The following EPB41L4A variants were observed in gnomAD, a reference collection of about 807,000 sequenced individuals.
EPB41L4A encodes erythrocyte membrane protein band 4.1 like 4A.
Under a neutral mutation model 108.6 loss-of-function variants are expected in EPB41L4A, and 100 were observed. The ratio of observed to expected loss-of-function variants is 0.92; its 90% confidence interval spans 0.78 to 1.09. The LOEUF (loss-of-function observed/expected upper bound fraction) is 1.09, where lower values mean the gene tolerates loss of function less well. EPB41L4A is among the 50% of genes least tolerant of loss of function. EPB41L4A has a pLI of 0.00. For synonymous variants in EPB41L4A, 319 were observed against 289.0 expected, an observed-to-expected ratio of 1.10 and a Z score of -1.05; for missense variants, 1,030 against 842.7, an observed-to-expected ratio of 1.22 and a Z score of -2.75.
Position 112,392,391 on chromosome 5 carries a change from A to C in EPB41L4A, c.99+26550T>G, listed in dbSNP as rs570902581. Among the ~76,000 whole-genome samples, 1,110 of 146,218 alleles carry C rather than the reference A, an allele frequency of 7.6e-3. 20 individuals are homozygous for C. Among genetic ancestry groups the C allele is most frequent in the African/African-American group, 0.026 (1,036 of 39,226 alleles). On this transcript the variant is annotated intron_variant, in intron 1 of 22. Transcript: ENST00000261486. ...AGGGATGGAGGAAGATCTACCAAGC[A>C]AATGGAAAGCAAAAAAAAAAAAAAA...
intron 1 of EPB41L4A, among the ~76,000 whole-genome samples, chr5:112,377,239 T>C (rs1459185787): frequency 1.4e-5 from 2 of 147,474 alleles, no homozygotes; most frequent in South Asian, 2.2e-4. Context: ...AAAGACAATA[T>C]GTGGAATCTT....
intron 1 of EPB41L4A, among the ~76,000 whole-genome samples, chr5:112,348,660 T>C (rs1757842004): frequency 6.6e-6 from 1 of 152,136 alleles, no homozygotes; most frequent in South Asian, 2.1e-4. Context: ...ACTAATGAAG[T>C]ATTCAGGTGT....
chr5:112,231,387 GT>G (rs944988071), intron 12 of EPB41L4A, among the ~76,000 whole-genome samples: 1 of 152,142 alleles, frequency 6.6e-6, no homozygotes, highest in Non-Finnish European at 1.5e-5. Context: ...GAATATAAAA[GT>G]TTTTTTCTTT....
chr5:112,303,713 A>T (rs1012618089), intron 2 of EPB41L4A, among the ~76,000 whole-genome samples: 4 of 152,210 alleles, frequency 2.6e-5, no homozygotes, highest in African/African-American at 9.6e-5. Flanking sequence ...GCAACTGGCA[A>T]GGCAGGGCCA....
intron 12 of EPB41L4A, among the ~76,000 whole-genome samples, chr5:112,231,551 C>T (rs991622112): frequency 2.7e-5 from 4 of 150,468 alleles, no homozygotes; most frequent in South Asian, 4.2e-4. Context: ...TTTGGGAGGC[C>T]GAGGCGGGTG....
chr5:112,161,120 C>G (rs1267553790), downstream of EPB41L4A: 1 of 173,300 alleles, frequency 5.8e-6, no homozygotes, highest in African/African-American at 2.4e-5. Flanking sequence ...ACATCATCGA[C>G]TATGCCAGGG....
At chr5:112,259,117 G>A (rs1751315388) in intron 9 of EPB41L4A, 112 bp downstream of exon 9, 1 of 809,274 alleles carries the variant, frequency 1.2e-6, no homozygotes, top group African/African-American at 1.7e-5. Context: ...TAATTAACCT[G>A]GTTCCATGTG....
rs529669781 is a variant in EPB41L4A, at chr5:112,276,939, A to G, written c.257-1535T>C. Reference sequence around the variant, plus strand: ...AGCTTTTTTAAAAACTAAACTTTAAAAGAAACTGCTAGAATTTCTTATTAT... The same window carrying G: ...AGCTTTTTTAAAAACTAAACTTTAAGAGAAACTGCTAGAATTTCTTATTAT... On this transcript the variant is annotated intron_variant, in intron 3 of 22. Coordinates refer to ENST00000261486, the MANE Select transcript of EPB41L4A (RefSeq NM_022140.5). Among the ~76,000 whole-genome samples, 3 of 152,306 alleles carry G rather than the reference A, an allele frequency of 2.0e-5. No individual in the cohort carries two copies. The East Asian group carries it at 5.8e-4, about 29-fold the overall frequency.
chr5:112,304,406 TC>T (rs2150572551), intron 2 of EPB41L4A, among the ~76,000 whole-genome samples: 1 of 152,136 alleles, frequency 6.6e-6, no homozygotes, highest in Admixed American at 6.6e-5. Context: ...GAGACCTACA[TC>T]CCCAAACACA....
intron 1 of EPB41L4A, among the ~76,000 whole-genome samples, chr5:112,384,203 T>C (rs1197002307): frequency 6.6e-6 from 1 of 152,060 alleles, no homozygotes; most frequent in Non-Finnish European, 1.5e-5. Flanking sequence ...TCCATGAATA[T>C]ACCAAAAAAC....
intron 1 of EPB41L4A, among the ~76,000 whole-genome samples, chr5:112,347,073 C>G (rs985695132): frequency 2.0e-5 from 3 of 152,240 alleles, no homozygotes; most frequent in Non-Finnish European, 4.4e-5. Context: ...GTGCTAAGAT[C>G]TACACAAAAT....
At chr5:112,389,870 C>G (rs1472464064) in intron 1 of EPB41L4A, among the ~76,000 whole-genome samples, 3 of 152,186 alleles carry the variant, frequency 2.0e-5, no homozygotes, top group African/African-American at 7.2e-5. Context: ...ACCACCACCT[C>G]TTTACAAAAG....
chr5:112,349,156 G>A (rs1212440457), intron 1 of EPB41L4A, among the ~76,000 whole-genome samples: 1 of 152,184 alleles, frequency 6.6e-6, no homozygotes, highest in Non-Finnish European at 1.5e-5. Flanking sequence ...GCAGGTGTGA[G>A]TGCCAGACAG....
At position 112,259,923 on chromosome 5, in the gene EPB41L4A, G is replaced by C; in HGVS notation, c.699C>G (p.Tyr233Ter). ...LGLTPVGVVV[Y>*]KNKKQVGKYF... is the part of the protein sequence containing the mutation. ...ACTTCCCCACTTGCTTTTTATTCTT[G>C]TACACAACAACACCAACCGGAGTTA... Residue 233 changes from tyrosine (Y) to a stop codon, truncating the protein, a stop_gained, in exon 8 of 23, where the codon TAC becomes TAG. Transcript: ENST00000261486. LOFTEE classifies it high-confidence loss of function. 1 of 1,613,874 alleles carries C rather than the reference G, an allele frequency of 6.2e-7. No homozygotes were observed. Among genetic ancestry groups the C allele is most frequent in the Non-Finnish European group, 8.5e-7 (1 of 1,179,898 alleles).
At chr5:112,345,780 TACACACACAC>T (rs60638685) in intron 1 of EPB41L4A, among the ~76,000 whole-genome samples, 9,776 of 74,622 alleles carry the variant, frequency 0.13, 411 homozygotes, top group Middle Eastern at 0.16. Flanking sequence ...TATATATATA[TACACACACAC>T]ACACACACAC....
chr5:112,264,691 A>T, intron 6 of EPB41L4A: 1 of 418,448 alleles, frequency 2.4e-6, no homozygotes, highest in Non-Finnish European at 4.1e-6. Context: ...TTACATATTG[A>T]AATTACTTTC....
chr5:112,379,614 T>A (rs1233101127), intron 1 of EPB41L4A, among the ~76,000 whole-genome samples: 4 of 152,210 alleles, frequency 2.6e-5, no homozygotes, highest in Non-Finnish European at 5.9e-5. Context: ...TCCTGCTTTC[T>A]CATCTGCAAA....
At chr5:112,152,962 T>C (rs1248498404) in intron 12 of EPB41L4A, among the ~76,000 whole-genome samples, 3 of 152,232 alleles carry the variant, frequency 2.0e-5, no homozygotes, top group African/African-American at 4.8e-5. Context: ...CTCATGCCTG[T>C]AATCCCAGCA....
intron 5 of EPB41L4A, 142 bp from the exon 6 acceptor site, chr5:112,265,158 TA>T: frequency 1.3e-6 from 1 of 742,196 alleles, no homozygotes; most frequent in Non-Finnish European, 2.0e-6. Context: ...ATAATTTTAC[TA>T]AAACAAATCT....
Sources: gnomAD v4.1 joint callset for allele counts (sites outside exome capture counted in the v4.1 genomes callset) on GRCh38, gnomAD v4.1.1 for gene constraint, MANE v1.5 for transcripts, NCBI Gene and HGNC (gene_info 2026-07-23, HGNC 2026-07-21) for gene names.